Variants in CNTN5 observed in about 807,000 individuals in gnomAD.
The protein encoded by CNTN5 is contactin-5.
Under a neutral mutation model 129.1 loss-of-function variants are expected in CNTN5, and 77 were observed. The observed-to-expected ratio is 0.60, with a 90% CI of 0.50 to 0.72. The LOEUF is 0.72. Among genes scored for constraint, CNTN5 ranks in the 30% least tolerant of loss-of-function variants. The pLI, the probability that CNTN5 is intolerant of heterozygous loss-of-function variation, is 0.00. For synonymous variants in CNTN5, 509 were observed against 465.6 expected, an observed-to-expected ratio of 1.09 and a Z score of -1.20; for missense variants, 1,478 against 1,328.8, an observed-to-expected ratio of 1.11 and a Z score of -1.75.
intron 3 of CNTN5, among the ~76,000 whole-genome samples, chr11:99,630,875 T>C (rs1158210186): frequency 2.0e-5 from 3 of 152,190 alleles, no homozygotes; most frequent in Non-Finnish European, 4.4e-5. Flanking sequence ...AAATTAGCTT[T>C]ATTACTTCCT....
intron 13 of CNTN5, among the ~76,000 whole-genome samples, chr11:100,169,915 T>G (rs1016140373): frequency 2.0e-5 from 3 of 151,942 alleles, no homozygotes; most frequent in Admixed American, 6.6e-5. Flanking sequence ...TCTCATGACC[T>G]TTTTACCTGT....
At chr11:99,789,018 A>G (rs1346985511) in intron 3 of CNTN5, among the ~76,000 whole-genome samples, 2 of 151,770 alleles carry the variant, frequency 1.3e-5, no homozygotes, top group Non-Finnish European at 3.0e-5. Context: ...GTAAAAATCT[A>G]ACATCTCCCC....
intron 7 of CNTN5, among the ~76,000 whole-genome samples, chr11:99,920,172 T>C (rs914954150): frequency 2.0e-5 from 3 of 152,148 alleles, no homozygotes; most frequent in Non-Finnish European, 4.4e-5. Context: ...TGTGGGTTAT[T>C]TCTTTCTCCA....
chr11:100,011,003 T>C (rs1940492626), intron 9 of CNTN5, among the ~76,000 whole-genome samples: 1 of 152,118 alleles, frequency 6.6e-6, no homozygotes, highest in Non-Finnish European at 1.5e-5. Context: ...GTGTGCTGAA[T>C]TTTGGGATCC....
At chr11:99,238,972 T>A (rs1293849469) in intron 1 of CNTN5, among the ~76,000 whole-genome samples, 1 of 152,074 alleles carries the variant, frequency 6.6e-6, no homozygotes, top group African/African-American at 2.4e-5. Flanking sequence ...TGTAACTAAT[T>A]CCTAGATATA....
At chr11:99,162,672 G>A (rs887884692) in intron 1 of CNTN5, among the ~76,000 whole-genome samples, 6 of 152,242 alleles carry the variant, frequency 3.9e-5, no homozygotes, top group Admixed American at 3.3e-4. Context: ...CATCAAAGTA[G>A]CTTGTCTGAA....
intron 3 of CNTN5, among the ~76,000 whole-genome samples, chr11:99,695,844 T>G (rs1954246148): frequency 6.6e-6 from 1 of 152,106 alleles, no homozygotes; most frequent in Non-Finnish European, 1.5e-5. Context: ...GATTTACTTG[T>G]GCTTTGGAAA....
intron 1 of CNTN5, among the ~76,000 whole-genome samples, chr11:99,247,156 G>A (rs1861852250): frequency 1.3e-5 from 2 of 152,114 alleles, no homozygotes; most frequent in South Asian, 4.1e-4. Flanking sequence ...ATTTTCTGGA[G>A]TTATTAGCAT....
intron 2 of CNTN5, among the ~76,000 whole-genome samples, chr11:99,427,352 A>G (rs898453051): frequency 6.6e-6 from 1 of 152,198 alleles, no homozygotes; most frequent in Non-Finnish European, 1.5e-5. Context: ...TGAGGGGGGA[A>G]ATAATTACAA....
intron 6 of CNTN5, among the ~76,000 whole-genome samples, chr11:99,863,057 A>G (rs1948256752): frequency 6.6e-6 from 1 of 152,154 alleles, no homozygotes; most frequent in Admixed American, 6.6e-5. Flanking sequence ...AACTTTAGAA[A>G]TTAACATTAG....
At chr11:99,163,547 A>C (rs966111162) in intron 1 of CNTN5, among the ~76,000 whole-genome samples, 13 of 152,104 alleles carry the variant, frequency 8.5e-5, no homozygotes, top group African/African-American at 2.9e-4. Context: ...CATTTTAACA[A>C]ATTTTTAAAT....
intron 2 of CNTN5, among the ~76,000 whole-genome samples, chr11:99,523,785 C>T (rs922766899): frequency 7.2e-5 from 11 of 151,942 alleles, no homozygotes; most frequent in Non-Finnish European, 7.4e-5. Flanking sequence ...ATCTAGGAAG[C>T]GTGATTGAGC....
At chr11:99,629,270 A>G (rs145396920) in intron 3 of CNTN5, among the ~76,000 whole-genome samples, 163 of 152,182 alleles carry the variant, frequency 1.1e-3, no homozygotes, top group African/African-American at 3.8e-3. Context: ...TAGAAACTTC[A>G]GATAAGAAAT....
At chr11:99,036,228 C>G (rs982954600) in intron 1 of CNTN5, among the ~76,000 whole-genome samples, 3 of 151,996 alleles carry the variant, frequency 2.0e-5, no homozygotes, top group Non-Finnish European at 4.4e-5. Flanking sequence ...AAGAAATGAC[C>G]TAGTGTTCTC....
chr11:99,695,722 T>C (rs1022017329), intron 3 of CNTN5, among the ~76,000 whole-genome samples: 4 of 151,620 alleles, frequency 2.6e-5, no homozygotes, highest in South Asian at 4.1e-4. Flanking sequence ...ACAAAATAAA[T>C]AAACAAATAA....
In CNTN5 at chr11:99,438,896, A is replaced by G. The variant is rs58158443; in HGVS notation, c.-71+113412A>G. Among the ~76,000 whole-genome samples, 563 of 152,342 alleles carry G rather than the reference A, an allele frequency of 3.7e-3. 4 individuals carry two copies. The highest frequency in any genetic ancestry group is 0.013 in the African/African-American group (535 of 41,592). ...TCTCAGCACTTACACACAAAGTCAA[A>G]ATACAGTGTGCAAGTCTTCGATGAT... On this transcript the variant is annotated intron_variant, in intron 2 of 24. Coordinates refer to ENST00000524871, the MANE Select transcript of CNTN5 (RefSeq NM_014361.4).
chr11:99,225,891 A>G (rs1860655900), intron 1 of CNTN5, among the ~76,000 whole-genome samples: 1 of 152,210 alleles, frequency 6.6e-6, no homozygotes, highest in Non-Finnish European at 1.5e-5. Flanking sequence ...TCTTTGTTCT[A>G]CAGTTAAACA....
At chr11:99,970,167 C>G (rs1305346341) in intron 8 of CNTN5, among the ~76,000 whole-genome samples, 2 of 152,168 alleles carry the variant, frequency 1.3e-5, no homozygotes, top group African/African-American at 4.8e-5. Context: ...AATTCCAACA[C>G]TCCTTTACCT....
At chr11:99,338,919 G>GATATATATATATATATATATATAT (rs10534485) in intron 2 of CNTN5, among the ~76,000 whole-genome samples, 16 of 126,976 alleles carry the variant, frequency 1.3e-4, no homozygotes, top group East Asian at 4.6e-4. Flanking sequence ...TTCATTCACA[G>GATATATATATATATATATATATAT]ATATATATAT....
Sources: gnomAD v4.1 joint callset for allele counts (sites outside exome capture counted in the v4.1 genomes callset) on GRCh38, gnomAD v4.1.1 for gene constraint, MANE v1.5 for transcripts, NCBI Gene and HGNC (gene_info 2026-07-23, HGNC 2026-07-21) for gene names.